The following TASP1 variants were observed in gnomAD, a reference collection of about 807,000 sequenced individuals.
The protein encoded by TASP1 is taspase 1.
TASP1 carries 16 observed loss-of-function variants against 56.6 expected under a neutral mutation model. The observed-to-expected ratio is 0.28, with a 90% CI of 0.19 to 0.43. The LOEUF is 0.43. Ranked by LOEUF, TASP1 falls within the 20% of genes least tolerant of loss-of-function variation. The pLI, the probability that TASP1 is intolerant of heterozygous loss-of-function variation, is 1.00. For missense variants in TASP1, 393 were observed against 511.6 expected, an observed-to-expected ratio of 0.77 and a Z score of 2.24; for synonymous variants, 179 against 184.2, an observed-to-expected ratio of 0.97 and a Z score of 0.23.
At chr20:13,308,677 C>T in the TASP1 span, among the ~76,000 whole-genome samples, 2 of 152,106 alleles carry the variant, frequency 1.3e-5, no homozygotes, top group Non-Finnish European at 2.9e-5. Flanking sequence ...AAAAATGTGT[C>T]TATACTGTCT....
chr20:13,401,182 T>A (rs1245641479), intron 13 of TASP1, among the ~76,000 whole-genome samples: 2 of 152,192 alleles, frequency 1.3e-5, no homozygotes, highest in Non-Finnish European at 2.9e-5. Flanking sequence ...AACTTAAAAA[T>A]CATATTTTAA....
chr20:13,582,932 T>C (rs1182601563), intron 5 of TASP1, among the ~76,000 whole-genome samples: 1 of 152,184 alleles, frequency 6.6e-6, no homozygotes, highest in Non-Finnish European at 1.5e-5. Flanking sequence ...AGGAGGAAAG[T>C]GTTGTCTTGC....
At chr20:13,445,485 T>G (rs2043375258) in intron 11 of TASP1, among the ~76,000 whole-genome samples, 1 of 152,154 alleles carries the variant, frequency 6.6e-6, no homozygotes, top group Non-Finnish European at 1.5e-5. Flanking sequence ...TGGAGGGACC[T>G]GGGATCCCAC....
chr20:13,335,917 C>T, the TASP1 span, among the ~76,000 whole-genome samples: 19 of 152,076 alleles, frequency 1.2e-4, no homozygotes, highest in African/African-American at 3.9e-4. Context: ...TGTCAAAGAA[C>T]TCATGCAAGA....
At chr20:13,129,289 A>G in the TASP1 span, among the ~76,000 whole-genome samples, 4 of 152,184 alleles carry the variant, frequency 2.6e-5, no homozygotes, top group African/African-American at 9.7e-5. Flanking sequence ...GGCGTGAGCC[A>G]CTGTGCCTGT....
chr20:13,561,165 G>A (rs141196765), intron 7 of TASP1, among the ~76,000 whole-genome samples: 8 of 152,256 alleles, frequency 5.3e-5, no homozygotes, highest in African/African-American at 1.9e-4. Flanking sequence ...CAAAAACTGA[G>A]ATAGTTCATT....
intron 10 of TASP1, among the ~76,000 whole-genome samples, chr20:13,521,244 T>C (rs1442504613): frequency 1.3e-5 from 2 of 152,122 alleles, no homozygotes; most frequent in Non-Finnish European, 2.9e-5. Flanking sequence ...GAACTAGAAA[T>C]ACCATTTGAC....
the TASP1 span, among the ~76,000 whole-genome samples, chr20:13,258,241 T>C: frequency 6.6e-6 from 1 of 152,140 alleles, no homozygotes; most frequent in Non-Finnish European, 1.5e-5. Flanking sequence ...TAGCTTCTGA[T>C]TGGGTTTGGC....
chr20:13,380,770 C>T, the TASP1 span, among the ~76,000 whole-genome samples: 5 of 152,298 alleles, frequency 3.3e-5, no homozygotes, highest in South Asian at 2.1e-4. Flanking sequence ...CAGAGATGCC[C>T]TGCCCAGAGA....
chr20:13,144,240 T>C, the TASP1 span, among the ~76,000 whole-genome samples: 1 of 152,224 alleles, frequency 6.6e-6, no homozygotes, highest in Admixed American at 6.5e-5. Flanking sequence ...ACTTCTTTTA[T>C]TGGGCACTTG....
At chr20:13,482,756 CT>C (rs1180751399) in intron 11 of TASP1, among the ~76,000 whole-genome samples, 4 of 152,232 alleles carry the variant, frequency 2.6e-5, no homozygotes. Flanking sequence ...ATTTGGTTTT[CT>C]TTTAAAACAG....
the TASP1 span, among the ~76,000 whole-genome samples, chr20:13,292,638 C>G: frequency 3.9e-5 from 6 of 152,232 alleles, no homozygotes; most frequent in South Asian, 8.3e-4. Flanking sequence ...GAAAACAGTC[C>G]TAAGCCTCCT....
the TASP1 span, among the ~76,000 whole-genome samples, chr20:13,285,043 T>C: frequency 6.6e-6 from 1 of 152,128 alleles, no homozygotes; most frequent in Non-Finnish European, 1.5e-5. Context: ...TCCCAGCACT[T>C]TGGGAGGCCA....
At chr20:13,235,927 C>CTTTT in the TASP1 span, among the ~76,000 whole-genome samples, 22 of 149,562 alleles carry the variant, frequency 1.5e-4, no homozygotes, top group Non-Finnish European at 1.3e-4. Context: ...TTGTACTTCC[C>CTTTT]TTTTTTCTTT....
At chr20:13,278,220 A>T in the TASP1 span, among the ~76,000 whole-genome samples, 1 of 152,164 alleles carries the variant, frequency 6.6e-6, no homozygotes, top group South Asian at 2.1e-4. Context: ...GTCTCTTGGA[A>T]CCAAGAAGCT....
the TASP1 span, among the ~76,000 whole-genome samples, chr20:13,310,803 T>C: frequency 6.6e-6 from 1 of 152,202 alleles, no homozygotes; most frequent in Non-Finnish European, 1.5e-5. Flanking sequence ...GGCCAATGGA[T>C]ATATGTAAAG....
intron 4 of TASP1, chr20:13,617,223 G>C: frequency 4.0e-6 from 1 of 249,810 alleles, no homozygotes; most frequent in Middle Eastern, 1.1e-3. Flanking sequence ...CTGCTAAACA[G>C]ACAGGCAAAA....
At chr20:13,335,654 T>C in the TASP1 span, among the ~76,000 whole-genome samples, 1 of 151,980 alleles carries the variant, frequency 6.6e-6, no homozygotes, top group African/African-American at 2.4e-5. Context: ...AGAAAAGATA[T>C]TGTATCATGC....
At chr20:13,401,947 C>T (rs767417157) in intron 13 of TASP1, among the ~76,000 whole-genome samples, 22 of 152,094 alleles carry the variant, frequency 1.4e-4, no homozygotes, top group Admixed American at 7.9e-4. Flanking sequence ...TAACTACATA[C>T]GTATGTGGAG....
Sources: allele counts gnomAD v4.1 joint callset (sites outside exome capture counted in the v4.1 genomes callset), GRCh38; gene constraint gnomAD v4.1.1; transcripts MANE v1.5; gene names NCBI Gene and HGNC (gene_info 2026-07-23, HGNC 2026-07-21).